Variants in CCDC152 observed in about 807,000 individuals in gnomAD.
CCDC152 encodes coiled-coil domain containing 152.
In CCDC152, 37 loss-of-function variants were observed where a neutral mutation model predicts 38.1. That is an observed-to-expected ratio of 0.97 (90% CI 0.75 to 1.28). The LOEUF (loss-of-function observed/expected upper bound fraction) is 1.28. Among genes scored for constraint, CCDC152 ranks in the 50% most tolerant of loss-of-function variants. The probability of loss-of-function intolerance (pLI) is 0.00; values close to 1 mark genes in which losing one functional copy is unlikely to be tolerated. For missense variants in CCDC152, 259 were observed against 292.1 expected, an observed-to-expected ratio of 0.89 and a Z score of 0.83; for synonymous variants, 83 against 87.1, an observed-to-expected ratio of 0.95 and a Z score of 0.26.
chr5:42,765,085 A>G (rs551229706), intron 3 of CCDC152, among the ~76,000 whole-genome samples: 116 of 152,360 alleles, frequency 7.6e-4, no homozygotes, highest in Non-Finnish European at 1.3e-3. Flanking sequence ...CAGAATACAA[A>G]ATCAACATAC....
In CCDC152 at chr5:42,800,714, A is replaced by C; in HGVS notation, c.*933A>C. Reference sequence around the variant, plus strand: ...TAAATTGGGGAGTATGTCCTATTTTAAATATTTAGTTTGAAGGTCATTCTC... The same window carrying C: ...TAAATTGGGGAGTATGTCCTATTTTCAATATTTAGTTTGAAGGTCATTCTC... On this transcript the variant is annotated 3_prime_UTR_variant, in exon 9 of 9. Coordinates refer to ENST00000361970, the MANE Select transcript of CCDC152 (RefSeq NM_001134848.2). 6.3e-7 allele frequency: 1 copy of C among 1,591,394 alleles called. No homozygotes were observed. The highest frequency in any genetic ancestry group is 8.6e-7 in the Non-Finnish European group (1 of 1,166,018).
chr5:42,800,278 A>T lies in CCDC152; in HGVS notation c.*497A>T, dbSNP rs2111613768. 1 of 157,416 alleles carries T rather than the reference A, an allele frequency of 6.4e-6. No homozygotes were observed. Among genetic ancestry groups the T allele is most frequent in the East Asian group, 1.9e-4 (1 of 5,312 alleles). The allele number at this position is 157,416 out of a possible 1,614,324, so 9.8% of individuals were successfully genotyped here. A position where few individuals can be genotyped will look rare whatever the true frequency, so the allele number is the denominator to read the frequency against. On this transcript the variant is annotated 3_prime_UTR_variant, in exon 9 of 9. Coordinates refer to ENST00000361970, the MANE Select transcript of CCDC152 (RefSeq NM_001134848.2). ...AGTATTTCTGGATCTTAAAATACAA[A>T]ATCCACTTATTTTATTAGTTAAAAG...
chr5:42,757,070 G>T (rs1049048507), intron 1 of CCDC152, among the ~76,000 whole-genome samples, 185 bp downstream of exon 1: 1 of 147,262 alleles, frequency 6.8e-6, no homozygotes, highest in Non-Finnish European at 1.5e-5. Context: ...GCTAGAAAGC[G>T]ATTCGAAACT....
chr5:42,783,525 G>A lies in CCDC152; in HGVS notation c.379G>A (p.Glu127Lys). The A allele has an allele frequency of 2.2e-6, 3 of 1,390,768 alleles. No individual in the cohort carries two copies. The highest frequency in any genetic ancestry group is 2.8e-6 in the Non-Finnish European group (3 of 1,060,138). 86.2% of individuals were successfully genotyped at this position (1,390,768 alleles called of 1,614,324 possible). Reference sequence around the variant, plus strand: ...TGTAAGTGAAATGAAAATCAAAGAGGAGGGATATAAGAAAGAAATAAGCAA... The same window carrying A: ...TGTAAGTGAAATGAAAATCAAAGAGAAGGGATATAAGAAAGAAATAAGCAA... ...KLVSEMKIKE[E>K]GYKKEISKLY... The change falls in exon 6 of 9, where the codon GAG becomes AAG. Residue 127 changes from glutamate (E) to lysine (K), a missense_variant. Physicochemically the swap from Glu to Lys is moderately conservative, Grantham distance 56 (BLOSUM62 1). Transcript: ENST00000361970.
In CCDC152 at chr5:42,801,220, G is replaced by T. The variant is rs1412755586; in HGVS notation, c.*1439G>T. The T allele has an allele frequency of 6.2e-7, 1 of 1,614,010 alleles. No homozygotes were observed. Among genetic ancestry groups the T allele is most frequent in the Non-Finnish European group, 8.5e-7 (1 of 1,180,024 alleles). ...GAAAGCTCACTGCTGCCAAGGTGCTGATGTCCATGATTGTGATGATGCTCA... is the reference window on the plus strand; with the variant it reads ...GAAAGCTCACTGCTGCCAAGGTGCTTATGTCCATGATTGTGATGATGCTCA... On this transcript the variant is annotated 3_prime_UTR_variant, in exon 9 of 9. Transcript: ENST00000361970.
intron 6 of CCDC152, among the ~76,000 whole-genome samples, chr5:42,795,424 CATA>C (rs1182348407): frequency 6.6e-6 from 1 of 152,120 alleles, no homozygotes; most frequent in African/African-American, 2.4e-5. Flanking sequence ...AATCCACAAT[CATA>C]ATGAGAGACT....
intron 6 of CCDC152, among the ~76,000 whole-genome samples, chr5:42,787,775 G>A (rs914875047): frequency 6.6e-6 from 1 of 152,004 alleles, no homozygotes; most frequent in Non-Finnish European, 1.5e-5. Context: ...ATCAACCCCT[G>A]TTCTTTTTCA....
intron 3 of CCDC152, among the ~76,000 whole-genome samples, chr5:42,768,608 A>G (rs1759656483): frequency 6.6e-6 from 1 of 152,214 alleles, no homozygotes; most frequent in South Asian, 2.1e-4. Context: ...AACACTACTT[A>G]CTGAGTTTTT....
Position 42,783,077 on chromosome 5 carries a change from A to G in CCDC152, c.328-397A>G, listed in dbSNP as rs536342330. Among the ~76,000 whole-genome samples, 788 of 152,062 alleles carry G rather than the reference A, an allele frequency of 5.2e-3. 8 individuals carry two copies. The highest frequency in any genetic ancestry group is 0.018 in the African/African-American group (762 of 41,502). ...AGTAGAGATGGGGTTTCACCGTGTT[A>G]GCCAGGATGGTCTCGATCTCCTGAC... On this transcript the variant is annotated intron_variant, in intron 5 of 8. Coordinates refer to ENST00000361970, the MANE Select transcript of CCDC152 (RefSeq NM_001134848.2).
chr5:42,764,612 G>A (rs1246486540), intron 3 of CCDC152, among the ~76,000 whole-genome samples: 1 of 152,176 alleles, frequency 6.6e-6, no homozygotes, highest in Non-Finnish European at 1.5e-5. Flanking sequence ...ATGCAAGGAT[G>A]CTTCAACATA....
chr5:42,789,397 C>G (rs1191707544), intron 6 of CCDC152, among the ~76,000 whole-genome samples: 1 of 152,124 alleles, frequency 6.6e-6, no homozygotes, highest in Non-Finnish European at 1.5e-5. Flanking sequence ...CCTAGACAGC[C>G]ATGTTGGCCA....
At position 42,799,903 on chromosome 5, in the gene CCDC152, T is replaced by C. The variant is rs539007215; in HGVS notation, c.*122T>C. 2.5e-5 allele frequency: 28 copies of C among 1,111,958 alleles called. 1 individual carries two copies. The East Asian group carries it at 6.0e-4, about 24-fold the overall frequency. The allele number at this position is 1,111,958 out of a possible 1,614,324, so 68.9% of individuals were successfully genotyped here. A position where few individuals can be genotyped will look rare whatever the true frequency, so the allele number is the denominator to read the frequency against. On this transcript the variant is annotated 3_prime_UTR_variant, in exon 9 of 9. Transcript: ENST00000361970. ...AGTCAGCTTTAAGGTTTTTATTGAA[T>C]TTATTTGGACAAATCCGTACTGTAT...
At chr5:42,766,703 G>T (rs565259551) in intron 3 of CCDC152, among the ~76,000 whole-genome samples, 5 of 141,960 alleles carry the variant, frequency 3.5e-5, no homozygotes, top group Non-Finnish European at 6.3e-5. Context: ...GGATCTAAAA[G>T]TCAAAACAAT....
chr5:42,763,832 A>G (rs1290535874), intron 3 of CCDC152, among the ~76,000 whole-genome samples: 1 of 152,190 alleles, frequency 6.6e-6, no homozygotes, highest in Non-Finnish European at 1.5e-5. Context: ...AAAAGATGAA[A>G]CCACAGAAAA....
In CCDC152 at chr5:42,800,979, G is replaced by T; in HGVS notation, c.*1198G>T. 16 of 1,614,206 alleles carry T rather than the reference G, an allele frequency of 9.9e-6. No individual in the cohort carries two copies. The highest frequency in any genetic ancestry group is 1.3e-5 in the Non-Finnish European group (15 of 1,180,028). On this transcript the variant is annotated 3_prime_UTR_variant, in exon 9 of 9. Transcript: ENST00000361970. ...ACAATGGCAGCATCAGCTCCTAGGA[G>T]CCAACTCTGAATCTGTGGGCAATTT...
At chr5:42,759,614 G>A (rs1759522819) in intron 2 of CCDC152, among the ~76,000 whole-genome samples, 1 of 152,132 alleles carries the variant, frequency 6.6e-6, no homozygotes, top group African/African-American at 2.4e-5. Flanking sequence ...TGAGTAGCAC[G>A]GTGAAATCTT....
intron 2 of CCDC152, 51 bp from the exon 3 acceptor site, chr5:42,762,392 T>A: frequency 1.0e-6 from 1 of 966,596 alleles, no homozygotes; most frequent in Non-Finnish European, 1.6e-6. Flanking sequence ...AATAAAAAAT[T>A]AAACTAGCAG....
chr5:42,799,784 T>C lies in CCDC152; in HGVS notation c.*3T>C. On this transcript the variant is annotated 3_prime_UTR_variant, in exon 9 of 9. Coordinates refer to ENST00000361970, the MANE Select transcript of CCDC152 (RefSeq NM_001134848.2). ...ACCTTAAGCGTAGACGGTTTTGAGC[T>C]TAGCAGTAAATTCATTAGTTGGTAT... 6.5e-7 allele frequency: 1 copy of C among 1,547,158 alleles called. No homozygotes were observed. The highest frequency in any genetic ancestry group is 8.7e-7 in the Non-Finnish European group (1 of 1,145,916).
At chr5:42,774,745 A>G (rs560984918) in intron 4 of CCDC152, among the ~76,000 whole-genome samples, 16 of 152,330 alleles carry the variant, frequency 1.1e-4, no homozygotes, top group Middle Eastern at 3.4e-3. Flanking sequence ...AAAAATTACA[A>G]GGCACACTAA....
Sources: gnomAD v4.1 joint callset for allele counts (sites outside exome capture counted in the v4.1 genomes callset) on GRCh38, gnomAD v4.1.1 for gene constraint, MANE v1.5 for transcripts, NCBI Gene and HGNC (gene_info 2026-07-23, HGNC 2026-07-21) for gene names.